Variants in ALMS1 observed in about 807,000 individuals in gnomAD.
The protein encoded by ALMS1 is ALMS1 centrosome and basal body associated protein.
In ALMS1, 271 loss-of-function variants were observed where a neutral mutation model predicts 352.2. That is an observed-to-expected ratio of 0.77 (90% confidence interval 0.70 to 0.85). The LOEUF is 0.85. ALMS1 is among the 40% of genes least tolerant of loss of function. The pLI is 0.00. For missense variants in ALMS1, 5,445 were observed against 4,870.7 expected (o/e 1.12, Z -3.51); for synonymous variants, 1,865 against 1,761.2 (o/e 1.06, Z -1.48).
At chr2:73,485,903 A>G (rs10195358) in intron 9 of ALMS1, among the ~76,000 whole-genome samples, 52,430 of 151,770 alleles carry the variant, frequency 0.35, 11,661 homozygotes, top group African/African-American at 0.63. Flanking sequence ...GCGCTTCCCA[A>G]GTGAGGCAAT....
At chr2:73,436,070 T>C (rs1162688067) in intron 7 of ALMS1, among the ~76,000 whole-genome samples, 1 of 152,236 alleles carries the variant, frequency 6.6e-6, no homozygotes, top group Non-Finnish European at 1.5e-5. Context: ...ATGTTATTTC[T>C]TGTAAGATGG....
At chr2:73,544,525 ATAAAT>A (rs1182299109) in intron 12 of ALMS1, among the ~76,000 whole-genome samples, 5 of 152,216 alleles carry the variant, frequency 3.3e-5, no homozygotes, top group Non-Finnish European at 7.3e-5. Flanking sequence ...AAAAAAATAA[ATAAAT>A]AAAAAAGCAA....
intron 16 of ALMS1, among the ~76,000 whole-genome samples, chr2:73,586,354 T>C (rs116478236): frequency 6.6e-6 from 1 of 152,204 alleles, no homozygotes; most frequent in African/African-American, 2.4e-5. Context: ...TCCAGTGTTA[T>C]CTTACAGAAT....
At chr2:73,454,153 A>C (rs1672010906) in intron 8 of ALMS1, 86 bp downstream of exon 8, 4 of 1,526,428 alleles carry the variant, frequency 2.6e-6, no homozygotes, top group Non-Finnish European at 3.5e-6. Flanking sequence ...AAGCTTAGCC[A>C]ATGAAAAATA....
intron 9 of ALMS1, among the ~76,000 whole-genome samples, chr2:73,478,507 G>A (rs1179638643): frequency 3.3e-5 from 5 of 151,978 alleles, no homozygotes; most frequent in Admixed American, 6.6e-5. Context: ...TCTCAAATTC[G>A]GATATTTGCT....
At chr2:73,513,937 C>T (rs544422061) in intron 10 of ALMS1, among the ~76,000 whole-genome samples, 27 of 152,256 alleles carry the variant, frequency 1.8e-4, no homozygotes, top group African/African-American at 5.8e-4. Flanking sequence ...CTACAGATTC[C>T]CGCCTTGTTC....
intron 10 of ALMS1, among the ~76,000 whole-genome samples, chr2:73,498,954 AT>A (rs1317253588): frequency 6.6e-6 from 1 of 152,182 alleles, no homozygotes; most frequent in Non-Finnish European, 1.5e-5. Flanking sequence ...TTTTGGGTAT[AT>A]ACTCAGCAGT....
intron 9 of ALMS1, among the ~76,000 whole-genome samples, chr2:73,472,804 T>C (rs2103845808): frequency 6.6e-6 from 1 of 152,212 alleles, no homozygotes; most frequent in East Asian, 1.9e-4. Context: ...CGTTTTAACC[T>C]GTCTGAAGTA....
In ALMS1 at chr2:73,550,418, C is replaced by G; in HGVS notation, c.10059C>G (p.Pro3353=). The G allele has an allele frequency of 6.2e-7, 1 of 1,614,072 alleles. No individual in the cohort carries two copies. The change falls in exon 13 of 23, where the codon CCC becomes CCG. Residue 3353 remains proline, a synonymous_variant. Transcript: ENST00000613296. ...CATCCTTGCCAGTGGGAGAAAAACC[C>G]TTGCAGAATGAAAATGCAGGTAACT... ...TKASLPVGEK[P]LQNENADASV...
At chr2:73,402,697 T>A (rs1225685151) in intron 1 of ALMS1, among the ~76,000 whole-genome samples, 5 of 152,254 alleles carry the variant, frequency 3.3e-5, no homozygotes, top group African/African-American at 1.2e-4. Flanking sequence ...TGAATCTTTT[T>A]GTTTTTTAAA....
intron 9 of ALMS1, among the ~76,000 whole-genome samples, chr2:73,479,990 A>T (rs941537236): frequency 6.6e-6 from 1 of 151,876 alleles, no homozygotes; most frequent in African/African-American, 2.4e-5. Context: ...ACATTTTTTA[A>T]TATTTCTGTT....
chr2:73,493,843 G>A (rs1191761977), intron 10 of ALMS1, among the ~76,000 whole-genome samples: 2 of 152,198 alleles, frequency 1.3e-5, no homozygotes, highest in Non-Finnish European at 2.9e-5. Context: ...ATAGCACAGA[G>A]AGTTTCTGTA....
intron 9 of ALMS1, among the ~76,000 whole-genome samples, chr2:73,480,412 T>A (rs1268180823): frequency 6.6e-6 from 1 of 152,206 alleles, no homozygotes; most frequent in Non-Finnish European, 1.5e-5. Flanking sequence ...AACTCATCAT[T>A]TTTTATGGCT....
At chr2:73,556,640 T>A (rs541732198) in intron 13 of ALMS1, among the ~76,000 whole-genome samples, 12 of 134,332 alleles carry the variant, frequency 8.9e-5, no homozygotes, top group Non-Finnish European at 1.5e-4. Context: ...TTCCTTTTTT[T>A]TTTTGTTTTT....
chr2:73,515,037 C>T (rs1406460680), intron 10 of ALMS1, among the ~76,000 whole-genome samples: 3 of 152,140 alleles, frequency 2.0e-5, no homozygotes, highest in Non-Finnish European at 4.4e-5. Flanking sequence ...TGTTTCTGCA[C>T]TCTTCCCTCT....
At chr2:73,417,554 G>T (rs180876047) in intron 2 of ALMS1, among the ~76,000 whole-genome samples, 26 of 152,214 alleles carry the variant, frequency 1.7e-4, no homozygotes, top group Middle Eastern at 6.8e-3. Flanking sequence ...TGTAAGAAAT[G>T]TGAACATGTT....
Position 73,602,222 on chromosome 2 carries a change from G to T in ALMS1, c.12152G>T (p.Arg4051Leu), listed in dbSNP as rs750598025. The T allele has an allele frequency of 8.1e-6, 13 of 1,613,666 alleles. No individual in the cohort carries two copies. Among genetic ancestry groups the T allele is most frequent in the Non-Finnish European group, 1.0e-5 (12 of 1,179,962 alleles). The change falls in exon 20 of 23, where the codon CGC (arginine) becomes CTC (leucine). Residue 4051 changes from arginine (R) to leucine (L), a missense_variant. Coordinates refer to ENST00000613296, the MANE Select transcript of ALMS1 (RefSeq NM_001378454.1). Reference sequence around the variant, plus strand: ...TTTCACAGACCTGACTTCATCTCCCGCTCTGGGGAGCGGATAAAGCGCCTG... The same window carrying T: ...TTTCACAGACCTGACTTCATCTCCCTCTCTGGGGAGCGGATAAAGCGCCTG... The part of the protein sequence containing the change: ...LQFHRPDFIS[R>L]SGERIKRLKL...
chr2:73,399,852 G>A (rs559826094), intron 1 of ALMS1, among the ~76,000 whole-genome samples: 61 of 151,222 alleles, frequency 4.0e-4, no homozygotes, highest in African/African-American at 1.4e-3. Context: ...TCGTGAAGAG[G>A]TTGTCAAATG....
At chr2:73,470,826 A>G (rs1379838258) in intron 9 of ALMS1, 1 of 151,774 alleles carries the variant, frequency 6.6e-6, no homozygotes, top group Admixed American at 6.6e-5. Flanking sequence ...TATCTTCCTA[A>G]TGAATTGACT....
Sources: gnomAD v4.1 joint callset for allele counts (sites outside exome capture counted in the v4.1 genomes callset) on GRCh38, gnomAD v4.1.1 for gene constraint, MANE v1.5 for transcripts, NCBI Gene and HGNC (gene_info 2026-07-23, HGNC 2026-07-21) for gene names.